IGF1R: variants seen among roughly 807,000 people sequenced by gnomAD.
IGF1R encodes insulin like growth factor 1 receptor, also known as insulin-like growth factor 1 receptor.
In IGF1R, 44 loss-of-function variants were observed where a neutral mutation model predicts 144.6. The observed-to-expected ratio is 0.30, with a 90% CI of 0.24 to 0.39. The LOEUF (loss-of-function observed/expected upper bound fraction) is 0.39, where lower values mean the gene tolerates loss of function less well. Among genes scored for constraint, IGF1R ranks in the 10% least tolerant of loss-of-function variants. IGF1R has a pLI of 1.00. For missense variants in IGF1R, 1,355 were observed against 1,833.7 expected (o/e 0.74, Z 4.77); for synonymous variants, 795 against 722.8 (o/e 1.10, Z -1.60).
chr15:98,795,759 T>C (rs1264803165), intron 2 of IGF1R, among the ~76,000 whole-genome samples: 4 of 152,176 alleles, frequency 2.6e-5, no homozygotes, highest in Non-Finnish European at 5.9e-5. Flanking sequence ...AATAAGCATG[T>C]TTTTACAAAT....
intron 2 of IGF1R, among the ~76,000 whole-genome samples, chr15:98,889,745 C>T (rs567744743): frequency 6.6e-6 from 1 of 151,984 alleles, no homozygotes; most frequent in Admixed American, 6.6e-5. Context: ...CTTACTTGTT[C>T]TCTATATTCT....
At chr15:98,654,656 T>C (rs1287394475) in intron 1 of IGF1R, among the ~76,000 whole-genome samples, 1 of 152,224 alleles carries the variant, frequency 6.6e-6, no homozygotes, top group East Asian at 1.9e-4. Context: ...CAGACCTAGT[T>C]CATGGAAGAG....
At chr15:98,878,390 A>G (rs2013169441) in intron 2 of IGF1R, among the ~76,000 whole-genome samples, 1 of 152,220 alleles carries the variant, frequency 6.6e-6, no homozygotes, top group African/African-American at 2.4e-5. Flanking sequence ...TACTCTCTCA[A>G]TTCCACTTTA....
At chr15:98,806,410 C>A (rs1877626) in intron 2 of IGF1R, among the ~76,000 whole-genome samples, 151,761 of 152,298 alleles carry the variant, frequency 1, 75,614 homozygotes, top group East Asian at 1. Context: ...CCCCAGCCTC[C>A]CTTGTCATGT....
chr15:98,662,958 T>C (rs2141180211), intron 1 of IGF1R, among the ~76,000 whole-genome samples: 1 of 152,086 alleles, frequency 6.6e-6, no homozygotes, highest in South Asian at 2.1e-4. Context: ...GTGGACCCGC[T>C]GAGAAGGGTG....
chr15:98,869,401 T>C (rs571633616), intron 2 of IGF1R, among the ~76,000 whole-genome samples: 1 of 150,924 alleles, frequency 6.6e-6, no homozygotes, highest in Non-Finnish European at 1.5e-5. Flanking sequence ...AGAAGGAAGA[T>C]TATTCTTCCT....
rs1446825859 is a variant in IGF1R, at chr15:98,961,894, A to G, written c.*4452A>G. ...TCTTAAGATGCGGAGTCACATTTCA[A>G]TGGTACGAAAAGTGGCTTCGTAAAA... On this transcript the variant is annotated 3_prime_UTR_variant, in exon 21 of 21. Coordinates refer to ENST00000650285, the MANE Select transcript of IGF1R (RefSeq NM_000875.5). 4.3e-6 allele frequency: 1 copy of G among 233,332 alleles called. No individual in the cohort carries two copies. The highest frequency in any genetic ancestry group is 2.2e-5 in the African/African-American group (1 of 45,466). 14.5% of individuals were successfully genotyped at this position (233,332 alleles called of 1,614,324 possible).
Position 98,963,158 on chromosome 15 carries a change from ATAATT to A in IGF1R, c.*5720_*5724del, listed in dbSNP as rs527714077. 99 of 233,230 alleles carry A rather than the reference ATAATT, an allele frequency of 4.2e-4. No individual in the cohort carries two copies. The highest frequency in any genetic ancestry group is 1.4e-3 in the African/African-American group (63 of 45,138). The allele number at this position is 233,230 out of a possible 1,614,324, so 14.4% of individuals were successfully genotyped here. On this transcript the variant is annotated 3_prime_UTR_variant, in exon 21 of 21. Coordinates refer to ENST00000650285, the MANE Select transcript of IGF1R (RefSeq NM_000875.5). ...TGTTTGTAGTTTATAATTGCCGAAA[ATAATT>A]TAAAGACACTTTTTTTTTCTCTGTG...
At chr15:98,728,007 GTTTTTT>G (rs10680958) in intron 2 of IGF1R, among the ~76,000 whole-genome samples, 1 of 108,750 alleles carries the variant, frequency 9.2e-6, no homozygotes, top group African/African-American at 3.5e-5. Context: ...AAGATGCATT[GTTTTTT>G]TTTTTTTTTT....
chr15:98,749,135 C>A (rs183121040), intron 2 of IGF1R, among the ~76,000 whole-genome samples: 128 of 150,172 alleles, frequency 8.5e-4, no homozygotes, highest in African/African-American at 3.0e-3. Flanking sequence ...TTTAGGTAGG[C>A]TTAGCATAGT....
chr15:98,670,973 A>C (rs1484184218), intron 1 of IGF1R, among the ~76,000 whole-genome samples: 1 of 152,052 alleles, frequency 6.6e-6, no homozygotes, highest in Non-Finnish European at 1.5e-5. Context: ...TTGGAATGAG[A>C]AGTTTTCTAT....
At chr15:98,922,543 C>G (rs1331288084) in intron 11 of IGF1R, 112 bp downstream of exon 11, 2 of 1,296,694 alleles carry the variant, frequency 1.5e-6, no homozygotes, top group Non-Finnish European at 2.2e-6. Flanking sequence ...TAGACCCAGG[C>G]CTGCCTGCTA....
At chr15:98,874,308 C>A (rs890311916) in intron 2 of IGF1R, among the ~76,000 whole-genome samples, 1 of 152,088 alleles carries the variant, frequency 6.6e-6, no homozygotes, top group Non-Finnish European at 1.5e-5. Context: ...AAAAGCACTT[C>A]AGAGGCTTTA....
intron 9 of IGF1R, chr15:98,916,413 C>T (rs2715424): frequency 0.29 from 164,228 of 557,674 alleles, 27,824 homozygotes; most frequent in Middle Eastern, 0.47. Flanking sequence ...AGGCATGCAC[C>T]ACCATGCCCA....
intron 2 of IGF1R, among the ~76,000 whole-genome samples, chr15:98,835,105 A>C (rs2057072775): frequency 6.7e-6 from 1 of 149,504 alleles, no homozygotes; most frequent in Non-Finnish European, 1.5e-5. Flanking sequence ...ACACACACAC[A>C]CACACCCCTA....
At chr15:98,780,573 AAAGAGAG>A (rs1182477117) in intron 2 of IGF1R, among the ~76,000 whole-genome samples, 2,923 of 16,176 alleles carry the variant, frequency 0.18, 444 homozygotes, top group Middle Eastern at 0.67. Context: ...AAAAAAAAAA[AAAGAGAG>A]AGAGAGTAAA....
chr15:98,805,733 A>C (rs1033584537), intron 2 of IGF1R, among the ~76,000 whole-genome samples: 1 of 152,258 alleles, frequency 6.6e-6, no homozygotes, highest in Non-Finnish European at 1.5e-5. Flanking sequence ...AGTAGTTCTG[A>C]TAAGTCCTTG....
In IGF1R at chr15:98,859,662, AT is replaced by A. The variant is rs371089657; in HGVS notation, c.641-31658del. Among the ~76,000 whole-genome samples, 93 of 152,348 alleles carry A rather than the reference AT, an allele frequency of 6.1e-4. No individual in the cohort carries two copies. In the East Asian group the frequency reaches 0.012, roughly 19 times the overall value. On this transcript the variant is annotated intron_variant, in intron 2 of 20. Transcript: ENST00000650285. Reference sequence around the variant, plus strand: ...ATTTCTCAGTGTCCAGATAGCCAGGATTTTTCCTTTTAATAAATATCACTTT... The same window carrying A: ...ATTTCTCAGTGTCCAGATAGCCAGGATTTTCCTTTTAATAAATATCACTTT...
rs1052162963 is a variant in IGF1R at position 98,649,521 on chromosome 15, T to C, written c.-61T>C. ...CCTTTCATTTCCTTTTTTTCTTTTC[T>C]TTTCTTTTTTTTTTTTTTTTTTTTT... On this transcript the variant is annotated 5_prime_UTR_variant, in exon 1 of 21. Coordinates refer to ENST00000650285, the MANE Select transcript of IGF1R (RefSeq NM_000875.5). The C allele has an allele frequency of 1.2e-5, 11 of 940,134 alleles. No individual in the cohort carries two copies. In the African/African-American group the frequency reaches 1.8e-4, roughly 15 times the overall value. 58.2% of individuals were successfully genotyped at this position (940,134 alleles called of 1,614,324 possible). A position where few individuals can be genotyped will look rare whatever the true frequency, so the allele number is the denominator to read the frequency against.
Sources: gnomAD v4.1 joint callset for allele counts (sites outside exome capture counted in the v4.1 genomes callset) on GRCh38, gnomAD v4.1.1 for gene constraint, MANE v1.5 for transcripts, NCBI Gene and HGNC (gene_info 2026-07-23, HGNC 2026-07-21) for gene names.